The following MYH15 variants were observed in gnomAD, a reference collection of about 807,000 sequenced individuals.
The protein encoded by MYH15 is myosin heavy chain 15.
Under a neutral mutation model 240.5 loss-of-function variants are expected in MYH15, and 227 were observed. The ratio of observed to expected loss-of-function variants is 0.94; its 90% confidence interval spans 0.85 to 1.05. The LOEUF (loss-of-function observed/expected upper bound fraction) is 1.05, where lower values mean the gene tolerates loss of function less well. Among genes scored for constraint, MYH15 ranks in the 50% least tolerant of loss-of-function variants. MYH15 has a pLI of 0.00. For synonymous variants in MYH15, 785 were observed against 796.7 expected, an observed-to-expected ratio of 0.99 and a Z score of 0.25; for missense variants, 2,217 against 2,247.5, an observed-to-expected ratio of 0.99 and a Z score of 0.27.
chr3:108,493,843 TGG>T (rs1174307689), intron 7 of MYH15, among the ~76,000 whole-genome samples: 7 of 152,184 alleles, frequency 4.6e-5, no homozygotes, highest in Non-Finnish European at 1.0e-4. Flanking sequence ...TATGTGTGCT[TGG>T]GAGACATTGT....
At chr3:108,395,439 G>A (rs2082452535) in intron 35 of MYH15, among the ~76,000 whole-genome samples, 1 of 152,120 alleles carries the variant, frequency 6.6e-6, no homozygotes, top group Non-Finnish European at 1.5e-5. Flanking sequence ...AGATGGGGTG[G>A]AATTAAGTTG....
intron 40 of MYH15, 149 bp from the exon 41 acceptor site, chr3:108,381,708 C>A (rs1052752718): frequency 2.3e-6 from 2 of 857,932 alleles, no homozygotes; most frequent in East Asian, 2.4e-5. Flanking sequence ...GGAATTGAGG[C>A]AATTATCTGC....
At chr3:108,490,677 A>T (rs1165189945) in intron 9 of MYH15, among the ~76,000 whole-genome samples, 2 of 152,014 alleles carry the variant, frequency 1.3e-5, no homozygotes, top group Non-Finnish European at 2.9e-5. Context: ...TCCTCCTGGG[A>T]TTTTATTCCT....
the MYH15 span, among the ~76,000 whole-genome samples, chr3:108,537,288 C>T: frequency 6.6e-6 from 1 of 152,106 alleles, no homozygotes; most frequent in Admixed American, 6.5e-5. Context: ...ACACACAGTC[C>T]CATATATCAC....
chr3:108,495,462 CATA>C (rs891189824), intron 7 of MYH15, among the ~76,000 whole-genome samples: 1 of 152,056 alleles, frequency 6.6e-6, no homozygotes, highest in East Asian at 1.9e-4. Context: ...ATATGTAAAA[CATA>C]ATAAAATATA....
At chr3:108,445,179 C>T (rs1477277029) in intron 21 of MYH15, among the ~76,000 whole-genome samples, 4 of 152,046 alleles carry the variant, frequency 2.6e-5, no homozygotes, top group African/African-American at 7.2e-5. Flanking sequence ...ATAGAAGGCA[C>T]CAAAAACTTG....
chr3:108,523,104 T>C (rs757800221), intron 1 of MYH15, among the ~76,000 whole-genome samples: 8 of 152,076 alleles, frequency 5.3e-5, no homozygotes, highest in Non-Finnish European at 7.4e-5. Context: ...AGAAGGAGAA[T>C]TCATTATTAA....
At chr3:108,505,578 A>G (rs1231107636) in intron 2 of MYH15, 145 bp downstream of exon 2, 1 of 417,258 alleles carries the variant, frequency 2.4e-6, no homozygotes, top group African/African-American at 2.1e-5. Context: ...TGACTTAAGG[A>G]GGAGCTTCTT....
At chr3:108,412,992 T>C (rs1383462097) in intron 30 of MYH15, among the ~76,000 whole-genome samples, 1 of 152,236 alleles carries the variant, frequency 6.6e-6, no homozygotes, top group Non-Finnish European at 1.5e-5. Flanking sequence ...GTTTGCCCTT[T>C]ATTTTCTTTA....
At chr3:108,405,551 G>A in intron 32 of MYH15, 98 bp from the exon 33 acceptor site, 2 of 629,196 alleles carry the variant, frequency 3.2e-6, no homozygotes, top group Non-Finnish European at 5.0e-6. Flanking sequence ...CTCTCTTAGA[G>A]TTACTGGGAG....
At chr3:108,546,499 A>C in the MYH15 span, among the ~76,000 whole-genome samples, 30 of 152,196 alleles carry the variant, frequency 2.0e-4, no homozygotes, top group Non-Finnish European at 4.4e-5. Flanking sequence ...TGAAAGTGAA[A>C]GCCAATCCAC....
chr3:108,549,053 G>C, the MYH15 span, among the ~76,000 whole-genome samples: 1 of 151,962 alleles, frequency 6.6e-6, no homozygotes. Flanking sequence ...AGTGTAAATA[G>C]TAACGGAACT....
In MYH15 at chr3:108,470,807, T is replaced by G. The variant is rs976900741; in HGVS notation, c.1274A>C (p.Glu425Ala). The change falls in exon 13 of 41, where the codon GAA becomes GCA. Residue 425 changes from glutamate (E) to alanine (A), a missense_variant. Coordinates refer to ENST00000693548, the MANE Select transcript of MYH15 (RefSeq NM_014981.3). Reference protein sequence around the residue: ...AVGALSKSMYERMFKWLVARI... With the variant: ...AVGALSKSMYARMFKWLVARI... ...TGCCACTAGCCACTTAAACATCCTTTCATACATTGACTTGGACAGGGCACC... is the reference window on the plus strand; with the variant it reads ...TGCCACTAGCCACTTAAACATCCTTGCATACATTGACTTGGACAGGGCACC... 6.4e-5 allele frequency: 103 copies of G among 1,613,890 alleles called. No homozygotes were observed. The highest frequency in any genetic ancestry group is 8.6e-5 in the Non-Finnish European group (101 of 1,179,850).
At chr3:108,539,967 G>A in the MYH15 span, among the ~76,000 whole-genome samples, 1 of 152,024 alleles carries the variant, frequency 6.6e-6, no homozygotes, top group African/African-American at 2.4e-5. Context: ...ATAATACCAA[G>A]CCCTGACAAA....
intron 24 of MYH15, among the ~76,000 whole-genome samples, chr3:108,439,509 G>C (rs886277031): frequency 7.9e-5 from 12 of 152,148 alleles, no homozygotes; most frequent in African/African-American, 2.7e-4. Flanking sequence ...ATTGCCCAGG[G>C]TTGAATGAAA....
intron 11 of MYH15, 148 bp from the exon 12 acceptor site, chr3:108,476,663 C>A: frequency 1.9e-6 from 1 of 523,068 alleles, no homozygotes; most frequent in Non-Finnish European, 3.4e-6. Flanking sequence ...CAAATAAATG[C>A]CTGAATCCTA....
chr3:108,445,380 A>C (rs1303885646), intron 21 of MYH15, among the ~76,000 whole-genome samples: 1 of 152,192 alleles, frequency 6.6e-6, no homozygotes. Flanking sequence ...TATCAAATTA[A>C]AGCACATCTG....
intron 28 of MYH15, among the ~76,000 whole-genome samples, chr3:108,417,652 A>C (rs1379183460): frequency 6.6e-6 from 1 of 151,952 alleles, no homozygotes; most frequent in Non-Finnish European, 1.5e-5. Context: ...TTATCCTATT[A>C]ATTATAGTCG....
intron 33 of MYH15, among the ~76,000 whole-genome samples, chr3:108,404,032 T>C (rs1216604673): frequency 6.6e-6 from 1 of 152,076 alleles, no homozygotes; most frequent in East Asian, 1.9e-4. Flanking sequence ...TTTTTATTCC[T>C]TGTGGAAAGA....
Sources: allele counts gnomAD v4.1 joint callset (sites outside exome capture counted in the v4.1 genomes callset), GRCh38; gene constraint gnomAD v4.1.1; transcripts MANE v1.5; gene names NCBI Gene and HGNC (gene_info 2026-07-23, HGNC 2026-07-21).